PKN2: variants seen among roughly 807,000 people sequenced by gnomAD.
The protein encoded by PKN2 is protein kinase N2.
A neutral mutation model predicts 119.1 loss-of-function variants in PKN2; 38 were observed. That is an observed-to-expected ratio of 0.32 (90% CI 0.25 to 0.42). The LOEUF is 0.42. Ranked by LOEUF, PKN2 falls within the 10% of genes least tolerant of loss-of-function variation. The pLI, the probability that PKN2 is intolerant of heterozygous loss-of-function variation, is 1.00. For synonymous variants in PKN2, 390 were observed against 384.9 expected, an observed-to-expected ratio of 1.01 and a Z score of -0.15; for missense variants, 850 against 1,165.1, an observed-to-expected ratio of 0.73 and a Z score of 3.94.
At chr1:88,808,855 T>A (rs1424824638) in intron 15 of PKN2, among the ~76,000 whole-genome samples, 1 of 152,206 alleles carries the variant, frequency 6.6e-6, no homozygotes, top group African/African-American at 2.4e-5. Flanking sequence ...CTGAGAAGGC[T>A]GACTTTTCTC....
chr1:88,830,113 CAA>C (rs1672672894), intron 19 of PKN2, among the ~76,000 whole-genome samples: 1 of 152,106 alleles, frequency 6.6e-6, no homozygotes, highest in Non-Finnish European at 1.5e-5. Context: ...AATAGAGACA[CAA>C]AGAGATTAAT....
At position 88,687,150 on chromosome 1, in the gene PKN2, A is replaced by T. The variant is rs1471136676; in HGVS notation, c.48+2522A>T. On this transcript the variant is annotated intron_variant, in intron 1 of 21. Coordinates refer to ENST00000370521, the MANE Select transcript of PKN2 (RefSeq NM_006256.4). ...CTTGAGCTGGAATTGGCTTTTGGTCATGGAAAGGCAAAGTAAGAAAATCTG... is the reference window on the plus strand; with the variant it reads ...CTTGAGCTGGAATTGGCTTTTGGTCTTGGAAAGGCAAAGTAAGAAAATCTG... Among the ~76,000 whole-genome samples the T allele has an allele frequency of 2.6e-5, 4 of 152,114 alleles. No homozygotes were observed. The East Asian group carries it at 7.7e-4, about 29-fold the overall frequency.
At chr1:88,698,787 A>G (rs769498916) in intron 1 of PKN2, among the ~76,000 whole-genome samples, 2 of 152,210 alleles carry the variant, frequency 1.3e-5, no homozygotes, top group Non-Finnish European at 2.9e-5. Flanking sequence ...GACCATATGC[A>G]TTAACCTAGT....
At chr1:88,763,149 G>A (rs1478770545) in intron 3 of PKN2, among the ~76,000 whole-genome samples, 1 of 152,190 alleles carries the variant, frequency 6.6e-6, no homozygotes, top group Non-Finnish European at 1.5e-5. Flanking sequence ...TTAAGTGGGT[G>A]AGGCATATTG....
intron 16 of PKN2, among the ~76,000 whole-genome samples, chr1:88,818,786 A>G (rs1672124654): frequency 6.6e-6 from 1 of 152,218 alleles, no homozygotes; most frequent in South Asian, 2.1e-4. Context: ...CTATACTACA[A>G]GACTGCAGCA....
intron 18 of PKN2, among the ~76,000 whole-genome samples, chr1:88,827,932 C>T (rs1448757991): frequency 1.3e-5 from 2 of 151,694 alleles, no homozygotes; most frequent in African/African-American, 4.8e-5. Context: ...ATCATGTTGG[C>T]CAGGCTGGTC....
At chr1:88,776,262 G>A (rs1197587703) in intron 6 of PKN2, among the ~76,000 whole-genome samples, 5 of 49,322 alleles carry the variant, frequency 1.0e-4, no homozygotes, top group South Asian at 1.4e-3. Flanking sequence ...CGCCCCACCC[G>A]TCACTTCTCC....
At chr1:88,809,667 A>C (rs1258051891) in intron 15 of PKN2, among the ~76,000 whole-genome samples, 3 of 152,178 alleles carry the variant, frequency 2.0e-5, no homozygotes, top group African/African-American at 7.2e-5. Flanking sequence ...TGTCACCCAC[A>C]CTGGAGTGCA....
chr1:88,699,627 C>G (rs868563655), intron 1 of PKN2, among the ~76,000 whole-genome samples: 110 of 152,074 alleles, frequency 7.2e-4, no homozygotes, highest in Admixed American at 3.9e-4. Flanking sequence ...CTCGATGAGT[C>G]CATGTGTTCT....
chr1:88,685,252 TTC>T (rs1666042409), intron 1 of PKN2: 1 of 151,896 alleles, frequency 6.6e-6, no homozygotes, highest in African/African-American at 2.4e-5. Flanking sequence ...TTCTTTTCCT[TTC>T]TTTTTTTTTT....
intron 19 of PKN2, chr1:88,829,484 T>G (rs960456312): frequency 5.3e-6 from 1 of 190,178 alleles, no homozygotes; most frequent in African/African-American, 2.3e-5. Context: ...TTGAAAAAAT[T>G]CGCATTTTTT....
intron 1 of PKN2, among the ~76,000 whole-genome samples, chr1:88,705,434 C>T (rs1287179836): frequency 6.6e-6 from 1 of 152,002 alleles, no homozygotes; most frequent in African/African-American, 2.4e-5. Context: ...GTGGTGCACA[C>T]CTGTAATCCC....
chr1:88,689,945 A>G (rs1193630015), intron 1 of PKN2, among the ~76,000 whole-genome samples: 3 of 152,232 alleles, frequency 2.0e-5, no homozygotes, highest in African/African-American at 7.2e-5. Flanking sequence ...GACTACCACA[A>G]TGTTTGTAAT....
At position 88,821,349 on chromosome 1, in the gene PKN2, G is replaced by T. The variant is rs562616456; in HGVS notation, c.2280-592G>T. On this transcript the variant is annotated intron_variant, in intron 16 of 21. Coordinates refer to ENST00000370521, the MANE Select transcript of PKN2 (RefSeq NM_006256.4). ...ATCTCTACCTACTTCTCCATCCTTCGCATTGCTACCAGAAAACTTTAACAT... is the reference window on the plus strand; with the variant it reads ...ATCTCTACCTACTTCTCCATCCTTCTCATTGCTACCAGAAAACTTTAACAT... 3.3e-5 allele frequency among the ~76,000 whole-genome samples: 5 copies of T among 151,896 alleles called. No homozygotes were observed. The East Asian group carries it at 7.7e-4, about 23-fold the overall frequency.
chr1:88,752,193 A>G (rs1308581835), intron 2 of PKN2, among the ~76,000 whole-genome samples: 1 of 151,910 alleles, frequency 6.6e-6, no homozygotes, highest in Non-Finnish European at 1.5e-5. Flanking sequence ...ATCTATCTCC[A>G]TTTCTTGAAT....
intron 1 of PKN2, among the ~76,000 whole-genome samples, chr1:88,714,937 G>A (rs911900885): frequency 6.6e-6 from 1 of 152,112 alleles, no homozygotes; most frequent in Non-Finnish European, 1.5e-5. Flanking sequence ...ATTATTTTGA[G>A]ATACGTCCCA....
At chr1:88,689,687 T>C (rs910703841) in intron 1 of PKN2, among the ~76,000 whole-genome samples, 2 of 152,162 alleles carry the variant, frequency 1.3e-5, no homozygotes, top group Non-Finnish European at 2.9e-5. Context: ...GATGTGTGCC[T>C]GTAATCCCAA....
chr1:88,791,031 T>A (rs921665744), intron 8 of PKN2, among the ~76,000 whole-genome samples: 1 of 152,218 alleles, frequency 6.6e-6, no homozygotes, highest in African/African-American at 2.4e-5. Context: ...TTGAATTGTC[T>A]CTACTACTTC....
intron 12 of PKN2, 121 bp from the exon 13 acceptor site, chr1:88,807,192 T>C: frequency 1.2e-6 from 1 of 805,014 alleles, no homozygotes; most frequent in Non-Finnish European, 1.9e-6. Flanking sequence ...AGTATCTGAA[T>C]TTTACTTTTC....
Sources: allele counts gnomAD v4.1 joint callset (sites outside exome capture counted in the v4.1 genomes callset), GRCh38; gene constraint gnomAD v4.1.1; transcripts MANE v1.5; gene names NCBI Gene and HGNC (gene_info 2026-07-23, HGNC 2026-07-21).